Variants in PCDHA1 observed in about 807,000 individuals in gnomAD.
PCDHA1 encodes the protein protocadherin alpha 1, also known as protocadherin alpha-1.
PCDHA1 carries 42 observed loss-of-function variants against 61.3 expected under a neutral mutation model. That is an observed-to-expected ratio of 0.69 (90% CI 0.54 to 0.89). PCDHA1 has a LOEUF of 0.89. Ranked by LOEUF, PCDHA1 falls within the 40% of genes least tolerant of loss-of-function variation. The pLI is 0.00. For synonymous variants in PCDHA1, 610 were observed against 553.8 expected (o/e 1.10, Z -1.43); for missense variants, 1,256 against 1,235.3 (o/e 1.02, Z -0.25).
intron 1 of PCDHA1, chr5:140,802,400 C>G: frequency 6.2e-7 from 1 of 1,614,242 alleles, no homozygotes; most frequent in Non-Finnish European, 8.5e-7. Context: ...TGTCCACCTT[C>G]AAGAATTACT....
chr5:140,942,310 C>T (rs782391809), intron 1 of PCDHA1, among the ~76,000 whole-genome samples: 14 of 151,402 alleles, frequency 9.2e-5, no homozygotes, highest in East Asian at 1.9e-4. Flanking sequence ...CTTGGGAGGT[C>T]GAGGCACAAG....
chr5:140,872,241 C>T (rs187831325), intron 1 of PCDHA1, among the ~76,000 whole-genome samples: 8 of 151,642 alleles, frequency 5.3e-5, no homozygotes, highest in Admixed American at 5.3e-4. Context: ...TGTCTTTATT[C>T]CTGTGATAAT....
At chr5:140,871,004 G>T in intron 1 of PCDHA1, 1 of 1,613,410 alleles carries the variant, frequency 6.2e-7, no homozygotes, top group Non-Finnish European at 8.5e-7. Context: ...AGCACAACGC[G>T]TGCCCTGGAC....
chr5:140,869,264 T>C (rs782308224), intron 1 of PCDHA1: 1 of 1,613,438 alleles, frequency 6.2e-7, no homozygotes, highest in South Asian at 1.1e-5. Context: ...GACCTGGGGC[T>C]GGAGCTGGCG....
intron 1 of PCDHA1, chr5:140,802,763 G>A (rs146921578): frequency 1.2e-6 from 2 of 1,612,888 alleles, no homozygotes; most frequent in East Asian, 2.2e-5. Flanking sequence ...CGCTGCAGCC[G>A]CTGGACCACG....
chr5:140,828,552 T>A (rs2150156635), intron 1 of PCDHA1: 1 of 1,614,212 alleles, frequency 6.2e-7, no homozygotes, highest in East Asian at 2.2e-5. Context: ...GTGTTTCCAC[T>A]GGAGGGCGCG....
chr5:140,892,246 G>T lies in PCDHA1; in HGVS notation c.2395-86703G>T, dbSNP rs895446433. Among the ~76,000 whole-genome samples the T allele has an allele frequency of 5.9e-5, 9 of 152,166 alleles. No individual in the cohort carries two copies. In the East Asian group the frequency reaches 1.7e-3, roughly 29 times the overall value. Reference sequence around the variant, plus strand: ...GGTGTTTTGTCTCCACATAAACCTGGTTATCTTTGATTTTGTGCTGAAAGT... The same window carrying T: ...GGTGTTTTGTCTCCACATAAACCTGTTTATCTTTGATTTTGTGCTGAAAGT... On this transcript the variant is annotated intron_variant, in intron 1 of 3. Coordinates refer to ENST00000504120, the MANE Select transcript of PCDHA1 (RefSeq NM_018900.4).
chr5:140,923,570 C>T (rs1554201533), intron 1 of PCDHA1, among the ~76,000 whole-genome samples: 2 of 152,136 alleles, frequency 1.3e-5, no homozygotes, highest in African/African-American at 4.8e-5. Context: ...AAAGGTCCTG[C>T]TAAAGAGAAG....
In PCDHA1 at chr5:140,927,920, T is replaced by C. The variant is rs782193396; in HGVS notation, c.2395-51029T>C. Reference sequence around the variant, plus strand: ...GATCATGCCCCCGAACTGGACTTCCTGACTCTTTCGAACCCAGTACCTGAG... The same window carrying C: ...GATCATGCCCCCGAACTGGACTTCCCGACTCTTTCGAACCCAGTACCTGAG... On this transcript the variant is annotated intron_variant, in intron 1 of 3. Transcript: ENST00000504120. 6.2e-6 allele frequency: 10 copies of C among 1,614,120 alleles called. No individual in the cohort carries two copies. In the South Asian group the frequency reaches 1.1e-4, roughly 18 times the overall value.
At chr5:140,829,888 C>T (rs150204488) in intron 1 of PCDHA1, 519 of 1,613,790 alleles carry the variant, frequency 3.2e-4, no homozygotes, top group Non-Finnish European at 4.2e-4. Context: ...CAGTTGACGC[C>T]GACTCAGGCT....
chr5:140,884,818 T>C (rs1298208791), intron 1 of PCDHA1: 1 of 1,050,614 alleles, frequency 9.5e-7, no homozygotes, highest in Non-Finnish European at 1.3e-6. Context: ...CTGTGGACAT[T>C]ATGTGTTGGA....
intron 1 of PCDHA1, among the ~76,000 whole-genome samples, chr5:140,935,422 A>G (rs2090365671): frequency 6.6e-6 from 1 of 152,228 alleles, no homozygotes; most frequent in South Asian, 2.1e-4. Context: ...TTAGAAAACA[A>G]TTTCAGCACT....
chr5:140,966,820 G>A, intron 1 of PCDHA1: 1 of 1,557,392 alleles, frequency 6.4e-7, no homozygotes, highest in Non-Finnish European at 8.7e-7. Context: ...GGCTCCGGCG[G>A]CCCATGCCCT....
chr5:140,852,594 T>G (rs1554145952), intron 1 of PCDHA1: 2 of 893,746 alleles, frequency 2.2e-6, no homozygotes, highest in African/African-American at 3.6e-5. Flanking sequence ...TTTTTTTTTT[T>G]GTCATTTTCT....
chr5:140,872,164 TC>T (rs1346109895), intron 1 of PCDHA1, among the ~76,000 whole-genome samples: 1 of 151,498 alleles, frequency 6.6e-6, no homozygotes, highest in Non-Finnish European at 1.5e-5. Context: ...GATTTACTTT[TC>T]TTTTTTTTTT....
At chr5:141,000,833 G>A (rs1554257850) in intron 3 of PCDHA1, among the ~76,000 whole-genome samples, 2 of 151,930 alleles carry the variant, frequency 1.3e-5, no homozygotes, top group Non-Finnish European at 2.9e-5. Flanking sequence ...CTTGAGTCCA[G>A]GAGATCCAGT....
chr5:140,879,100 T>C (rs2057854721), intron 1 of PCDHA1, among the ~76,000 whole-genome samples: 1 of 152,190 alleles, frequency 6.6e-6, no homozygotes, highest in African/African-American at 2.4e-5. Context: ...CTGCACAGTA[T>C]ATGGTGTAAT....
At chr5:140,925,545 T>C (rs2082554124) in intron 1 of PCDHA1, among the ~76,000 whole-genome samples, 1 of 151,896 alleles carries the variant, frequency 6.6e-6, no homozygotes, top group Non-Finnish European at 1.5e-5. Flanking sequence ...ATACCTAATG[T>C]AAATGACAAG....
At chr5:140,913,288 T>C (rs1452332608) in intron 1 of PCDHA1, among the ~76,000 whole-genome samples, 1 of 152,172 alleles carries the variant, frequency 6.6e-6, no homozygotes, top group Non-Finnish European at 1.5e-5. Context: ...GTTTAGGTTT[T>C]AATTTCTTCA....
Sources: gnomAD v4.1 joint callset for allele counts (sites outside exome capture counted in the v4.1 genomes callset) on GRCh38, gnomAD v4.1.1 for gene constraint, MANE v1.5 for transcripts, NCBI Gene and HGNC (gene_info 2026-07-23, HGNC 2026-07-21) for gene names.